Variants in SYNE1 observed in about 807,000 individuals in gnomAD.
SYNE1 encodes nesprin-1.
SYNE1 carries 616 observed loss-of-function variants against 1,111.0 expected under a neutral mutation model. That is an observed-to-expected ratio of 0.55 (90% CI 0.52 to 0.59). The LOEUF (loss-of-function observed/expected upper bound fraction) is 0.59. Ranked by LOEUF, SYNE1 falls within the 20% of genes least tolerant of loss-of-function variation. The pLI is 0.00. For missense variants in SYNE1, 10,006 were observed against 10,417.0 expected (o/e 0.96, Z 1.72); for synonymous variants, 3,855 against 3,825.8 (o/e 1.01, Z -0.28).
chr6:152,235,222 C>G (rs1383142656), intron 110 of SYNE1, among the ~76,000 whole-genome samples: 1 of 152,162 alleles, frequency 6.6e-6, no homozygotes, highest in African/African-American at 2.4e-5. Context: ...CCCTCTCAGG[C>G]TTTACTGTGA....
At chr6:152,296,147 T>C (rs2094869013) in intron 93 of SYNE1, among the ~76,000 whole-genome samples, 1 of 152,224 alleles carries the variant, frequency 6.6e-6, no homozygotes, top group Non-Finnish European at 1.5e-5. Context: ...ACCAGCTTCT[T>C]CTCTTTGACA....
intron 116 of SYNE1, 73 bp from the exon 117 acceptor site, chr6:152,224,737 G>T (rs1029084994): frequency 6.9e-7 from 1 of 1,443,552 alleles, no homozygotes; most frequent in Non-Finnish European, 9.7e-7. Flanking sequence ...CAATTGATGG[G>T]AAAATATTAA....
intron 81 of SYNE1, 22 bp downstream of exon 81, chr6:152,325,062 G>C (rs758107665): frequency 1.2e-6 from 2 of 1,611,388 alleles, no homozygotes; most frequent in South Asian, 2.2e-5. Context: ...AGAAAGGTGA[G>C]CCCATGGACA....
intron 3 of SYNE1, among the ~76,000 whole-genome samples, chr6:152,572,940 C>T (rs889377203): frequency 6.6e-6 from 1 of 152,106 alleles, no homozygotes; most frequent in Non-Finnish European, 1.5e-5. Flanking sequence ...GTCTAATAAA[C>T]ATTTTAGGAA....
chr6:152,188,687 G>C (rs7758071), intron 128 of SYNE1, among the ~76,000 whole-genome samples: 33 of 151,610 alleles, frequency 2.2e-4, no homozygotes, highest in Non-Finnish European at 3.5e-4. Flanking sequence ...GGCCAGGCAC[G>C]GTGGCTCACG....
Position 152,352,281 on chromosome 6 carries a change from T to C in SYNE1, c.11326A>G (p.Lys3776Glu). The change falls in exon 70 of 146, where the codon AAA becomes GAA. Residue 3776 changes from lysine (K) to glutamate (E), a missense_variant. By Grantham distance (56) the Lys-to-Glu change is moderately conservative. This residue lies in a region of SYNE1 where 4,955 missense variants were observed against 5,017.2 expected (regional missense o/e 0.99). Coordinates refer to ENST00000367255, the MANE Select transcript of SYNE1 (RefSeq NM_182961.4). ...SAREKGERAV[K>E]YLEEGEAERL... is the part of the protein sequence containing the mutation. ...TCTGCCTCGCCTTCCTCCAAGTATTTAACAGCCCTCTCTCCTTTCTCCCGG... is the reference window on the plus strand; with the variant it reads ...TCTGCCTCGCCTTCCTCCAAGTATTCAACAGCCCTCTCTCCTTTCTCCCGG... The C allele has an allele frequency of 6.2e-7, 1 of 1,614,156 alleles. No individual in the cohort carries two copies. The highest frequency in any genetic ancestry group is 1.6e-4 in the Middle Eastern group (1 of 6,062).
intron 91 of SYNE1, among the ~76,000 whole-genome samples, chr6:152,305,772 T>C (rs1029887641): frequency 1.3e-5 from 2 of 152,242 alleles, no homozygotes; most frequent in African/African-American, 4.8e-5. Context: ...GTGTTTGTTT[T>C]ATACATACAA....
At position 152,440,047 on chromosome 6, in the gene SYNE1, C is replaced by T. The variant is rs967039202; in HGVS notation, c.4149+1083G>A. 5.3e-5 allele frequency among the ~76,000 whole-genome samples: 8 copies of T among 152,186 alleles called. No individual in the cohort carries two copies. The South Asian group carries it at 8.3e-4, about 16-fold the overall frequency. ...TCTCACTTCCATTGTCTCCGTCAGA[C>T]TCAAAACCTCAGGTATCAACATTTT... is the stretch of plus-strand genomic sequence containing the variant. On this transcript the variant is annotated intron_variant, in intron 32 of 145. Transcript: ENST00000367255.
chr6:152,319,097 A>G, intron 84 of SYNE1, 82 bp from the exon 85 acceptor site: 2 of 1,568,266 alleles, frequency 1.3e-6, no homozygotes, highest in Non-Finnish European at 1.7e-6. Context: ...TGATGTTGAC[A>G]AGACACATTT....
At chr6:152,409,470 C>T in intron 43 of SYNE1, 89 bp downstream of exon 43, 1 of 1,526,188 alleles carries the variant, frequency 6.6e-7, no homozygotes, top group Admixed American at 1.8e-5. Context: ...TCTAAGTATA[C>T]TGATAAGAAT....
intron 3 of SYNE1, among the ~76,000 whole-genome samples, chr6:152,566,568 C>A (rs1042210686): frequency 1.3e-5 from 2 of 152,098 alleles, no homozygotes; most frequent in Non-Finnish European, 2.9e-5. Context: ...GTTAAAAGAG[C>A]ATTTTTGGCA....
rs1238752685 is a variant in SYNE1 at position 152,194,010 on chromosome 6, CG to C, written c.23146-4604del. Among the ~76,000 whole-genome samples, 73 of 72,230 alleles carry C rather than the reference CG, an allele frequency of 1.0e-3. No individual in the cohort carries two copies. In the South Asian group the frequency reaches 0.019, roughly 19 times the overall value. 47.4% of individuals were successfully genotyped at this position (72,230 alleles called of 152,430 possible). The stretch of plus-strand genomic sequence containing the variant: ...CCTGGGCAGCAGAGCAAGACTGTCT[CG>C]AAAAAAAAAAAAAAAGGTATAGCTT... On this transcript the variant is annotated intron_variant, in intron 127 of 145. Coordinates refer to ENST00000367255, the MANE Select transcript of SYNE1 (RefSeq NM_182961.4).
chr6:152,555,490 C>G (rs144607114), intron 3 of SYNE1, among the ~76,000 whole-genome samples: 402 of 152,210 alleles, frequency 2.6e-3, no homozygotes, highest in Non-Finnish European at 4.2e-3. Flanking sequence ...GTAGGCTATG[C>G]CATCTAGGCT....
At chr6:152,263,473 C>T (rs2092323112) in intron 100 of SYNE1, among the ~76,000 whole-genome samples, 1 of 151,988 alleles carries the variant, frequency 6.6e-6, no homozygotes, top group East Asian at 1.9e-4. Context: ...TCACTGTACA[C>T]TCAAACTGCT....
At chr6:152,174,832 T>C (rs140604533) in intron 130 of SYNE1, among the ~76,000 whole-genome samples, 177 of 152,326 alleles carry the variant, frequency 1.2e-3, no homozygotes, top group African/African-American at 4.0e-3. Flanking sequence ...ATGAAACCCG[T>C]AGCATGGTCA....
chr6:152,204,082 T>TCAC (rs761711717), intron 126 of SYNE1, among the ~76,000 whole-genome samples: 43 of 152,188 alleles, frequency 2.8e-4, no homozygotes, highest in Non-Finnish European at 5.3e-4. Flanking sequence ...GATAAGATCA[T>TCAC]CACGGGTGCT....
chr6:152,199,178 T>A (rs2074866851), intron 127 of SYNE1, among the ~76,000 whole-genome samples: 1 of 149,646 alleles, frequency 6.7e-6, no homozygotes, highest in Non-Finnish European at 1.5e-5. Flanking sequence ...TTTATTGATT[T>A]AAAATTTTTT....
At chr6:152,474,134 A>C (rs929331289) in intron 14 of SYNE1, among the ~76,000 whole-genome samples, 1 of 151,934 alleles carries the variant, frequency 6.6e-6, no homozygotes, top group Non-Finnish European at 1.5e-5. Context: ...GCAGTGAGGG[A>C]AGATCACACC....
At chr6:152,253,831 T>G (rs13194241) in intron 104 of SYNE1, among the ~76,000 whole-genome samples, 55 of 61,328 alleles carry the variant, frequency 9.0e-4, no homozygotes, top group African/African-American at 5.9e-3. Context: ...TTTTTTTTTT[T>G]TTTTTTTTTT....
Sources: allele counts gnomAD v4.1 joint callset (sites outside exome capture counted in the v4.1 genomes callset), GRCh38; gene constraint gnomAD v4.1.1; regional missense constraint gnomAD v4.1.1; transcripts MANE v1.5; gene names NCBI Gene and HGNC (gene_info 2026-07-23, HGNC 2026-07-21).